Variants in DCC observed in about 807,000 individuals in gnomAD.
DCC encodes the protein DCC netrin 1 receptor, also known as netrin receptor DCC.
A neutral mutation model predicts 172.5 loss-of-function variants in DCC; 58 were observed. The ratio of observed to expected loss-of-function variants is 0.34; its 90% CI spans 0.27 to 0.42. The LOEUF is 0.42. Among genes scored for constraint, DCC ranks in the 10% least tolerant of loss-of-function variants. DCC has a pLI of 1.00. For missense variants in DCC, 1,740 were observed against 1,791.0 expected (o/e 0.97, Z 0.51); for synonymous variants, 709 against 644.5 (o/e 1.10, Z -1.52).
intron 1 of DCC, among the ~76,000 whole-genome samples, chr18:52,639,390 A>T (rs2063559628): frequency 6.6e-6 from 1 of 152,154 alleles, no homozygotes; most frequent in African/African-American, 2.4e-5. Flanking sequence ...TTGAAAAGTA[A>T]GTAAAACTGA....
chr18:52,561,394 C>A (rs576231961), intron 1 of DCC, among the ~76,000 whole-genome samples: 5 of 151,498 alleles, frequency 3.3e-5, no homozygotes, highest in African/African-American at 1.2e-4. Context: ...TACACACACA[C>A]ACATATATAA....
chr18:52,842,019 T>C (rs1465799756), intron 2 of DCC, among the ~76,000 whole-genome samples: 1 of 151,246 alleles, frequency 6.6e-6, no homozygotes, highest in Non-Finnish European at 1.5e-5. Context: ...TATATATATA[T>C]ATACATATAT....
chr18:52,853,848 C>A (rs999738992), intron 2 of DCC, among the ~76,000 whole-genome samples: 1 of 152,164 alleles, frequency 6.6e-6, no homozygotes, highest in Non-Finnish European at 1.5e-5. Flanking sequence ...ACAGATGAAG[C>A]CTGCCTGCCT....
chr18:52,533,010 G>A (rs1050422108), intron 1 of DCC, among the ~76,000 whole-genome samples: 5 of 151,956 alleles, frequency 3.3e-5, no homozygotes, highest in East Asian at 3.9e-4. Flanking sequence ...CAGATTTGAC[G>A]ATTCTGGACA....
At chr18:52,795,028 C>T (rs2145214082) in intron 2 of DCC, among the ~76,000 whole-genome samples, 1 of 151,974 alleles carries the variant, frequency 6.6e-6, no homozygotes, top group Admixed American at 6.6e-5. Flanking sequence ...ATTAAGTTTG[C>T]TAATATTTTG....
At chr18:52,446,739 G>T (rs573558935) in intron 1 of DCC, among the ~76,000 whole-genome samples, 1 of 152,188 alleles carries the variant, frequency 6.6e-6, no homozygotes, top group East Asian at 1.9e-4. Flanking sequence ...AGTTATTTTT[G>T]TGTGTGTGTA....
intron 12 of DCC, among the ~76,000 whole-genome samples, chr18:53,266,806 C>A (rs905448342): frequency 1.3e-5 from 2 of 151,480 alleles, no homozygotes; most frequent in Non-Finnish European, 2.9e-5. Flanking sequence ...TGGCTTCTTT[C>A]ATTTACTGAA....
At chr18:52,437,325 G>C (rs1024259567) in intron 1 of DCC, among the ~76,000 whole-genome samples, 1 of 152,100 alleles carries the variant, frequency 6.6e-6, no homozygotes, top group Non-Finnish European at 1.5e-5. Flanking sequence ...GGCAGAAAGA[G>C]GACACACTGG....
chr18:52,401,672 T>C (rs1052201630), intron 1 of DCC, among the ~76,000 whole-genome samples: 15 of 152,012 alleles, frequency 9.9e-5, no homozygotes, highest in African/African-American at 3.4e-4. Context: ...CACTCTAATT[T>C]TGAATGCTGT....
chr18:53,041,880 G>C (rs2042173398), intron 5 of DCC, among the ~76,000 whole-genome samples: 1 of 152,042 alleles, frequency 6.6e-6, no homozygotes, highest in South Asian at 2.1e-4. Context: ...CTTTCCCGAA[G>C]TTGCTTATCA....
intron 15 of DCC, among the ~76,000 whole-genome samples, chr18:53,378,634 G>A (rs1907487891): frequency 6.6e-6 from 1 of 152,152 alleles, no homozygotes; most frequent in African/African-American, 2.4e-5. Flanking sequence ...CATACATTCA[G>A]CAATTCAACA....
intron 2 of DCC, among the ~76,000 whole-genome samples, chr18:52,863,297 T>C (rs1173157111): frequency 6.6e-6 from 1 of 151,978 alleles, no homozygotes; most frequent in Non-Finnish European, 1.5e-5. Context: ...ATCATACATA[T>C]TAATCAGTGT....
At chr18:52,815,411 T>TACACACACACACACACAC (rs34924244) in intron 2 of DCC, among the ~76,000 whole-genome samples, 79 of 150,116 alleles carry the variant, frequency 5.3e-4, no homozygotes, top group African/African-American at 1.8e-3. Flanking sequence ...TTCTCACACG[T>TACACACACACACACACAC]ACACACACAC....
rs2055636990 is a variant in DCC, at chr18:53,206,348, TATATATAC to T, written c.1722+991_1722+998del. ...ATTGTAACACATATATGTATATATG[TATATATAC>T]ATATATGTATTGTAACACATATATG... On this transcript the variant is annotated intron_variant, in intron 10 of 28. Coordinates refer to ENST00000442544, the MANE Select transcript of DCC (RefSeq NM_005215.4). Among the ~76,000 whole-genome samples the T allele has an allele frequency of 3.1e-4, 8 of 26,216 alleles. 2 individuals are homozygous for T. The highest frequency in any genetic ancestry group is 5.9e-4 in the Non-Finnish European group (8 of 13,552). The allele number at this position is 26,216 out of a possible 152,430, so 17.2% of individuals were successfully genotyped here. A position where few individuals can be genotyped will look rare whatever the true frequency, so the allele number is the denominator to read the frequency against.
chr18:52,848,353 T>G (rs1481164708), intron 2 of DCC, among the ~76,000 whole-genome samples: 1 of 152,066 alleles, frequency 6.6e-6, no homozygotes, highest in African/African-American at 2.4e-5. Flanking sequence ...TCCCAAAGTG[T>G]TGGGATTACA....
chr18:52,401,315 C>T (rs980800364), intron 1 of DCC, among the ~76,000 whole-genome samples: 6 of 151,960 alleles, frequency 3.9e-5, no homozygotes, highest in African/African-American at 1.4e-4. Flanking sequence ...AGCAGAATAA[C>T]TTTCCATTTC....
At chr18:53,072,607 G>T (rs764334353) in intron 7 of DCC, among the ~76,000 whole-genome samples, 1 of 152,162 alleles carries the variant, frequency 6.6e-6, no homozygotes, top group Non-Finnish European at 1.5e-5. Flanking sequence ...GCATAAATGC[G>T]TGAAGACAGA....
intron 27 of DCC, among the ~76,000 whole-genome samples, chr18:53,524,311 G>A (rs1020720335): frequency 6.6e-6 from 1 of 151,088 alleles, no homozygotes; most frequent in Admixed American, 6.6e-5. Context: ...AAAAAAAGAA[G>A]GAAAATGTTC....
At chr18:53,280,277 C>T (rs2056856002) in intron 12 of DCC, among the ~76,000 whole-genome samples, 1 of 151,852 alleles carries the variant, frequency 6.6e-6, no homozygotes, top group Non-Finnish European at 1.5e-5. Flanking sequence ...GTTTTCTTTC[C>T]CTGTGTTGGA....
Sources: allele counts gnomAD v4.1 joint callset (sites outside exome capture counted in the v4.1 genomes callset), GRCh38; gene constraint gnomAD v4.1.1; transcripts MANE v1.5; gene names NCBI Gene and HGNC (gene_info 2026-07-23, HGNC 2026-07-21).